Variants in TENM3 observed in about 807,000 individuals in gnomAD.
The protein encoded by TENM3 is teneurin transmembrane protein 3.
TENM3 carries 63 observed loss-of-function variants against 255.1 expected under a neutral mutation model. That is an observed-to-expected ratio of 0.25 (90% CI 0.20 to 0.30). The LOEUF (loss-of-function observed/expected upper bound fraction) is 0.30. Ranked by LOEUF, TENM3 falls within the 10% of genes least tolerant of loss-of-function variation. TENM3 has a pLI of 1.00. For missense variants in TENM3, 2,929 were observed against 3,461.1 expected, an observed-to-expected ratio of 0.85 and a Z score of 3.86; for synonymous variants, 1,306 against 1,322.3, an observed-to-expected ratio of 0.99 and a Z score of 0.27.
upstream of TENM3, chr4:182,144,452 C>CGGCGGGCGGGGAGAGGG (rs1749745077): frequency 6.7e-6 from 1 of 149,274 alleles, no homozygotes; most frequent in Non-Finnish European, 1.5e-5. Flanking sequence ...CTGGAGGGGC[C>CGGCGGGCGGGGAGAGGG]GGCGGGCGGG....
the TENM3 span, among the ~76,000 whole-genome samples, chr4:181,515,549 G>A: frequency 1.3e-5 from 2 of 151,962 alleles, no homozygotes; most frequent in African/African-American, 2.4e-5. Flanking sequence ...CCCAAAAATG[G>A]TGAAAGGGAC....
chr4:182,388,209 T>G (rs532529684), intron 3 of TENM3, among the ~76,000 whole-genome samples: 1 of 152,206 alleles, frequency 6.6e-6, no homozygotes, highest in South Asian at 2.1e-4. Flanking sequence ...CATCGCCACT[T>G]CTCTGGAAAC....
chr4:182,802,578 T>TG lies in TENM3; in HGVS notation c.*2229dup, dbSNP rs1767050008. 5.2e-5 allele frequency: 8 copies of TG among 152,758 alleles called. No individual in the cohort carries two copies. The South Asian group carries it at 1.7e-3, about 32-fold the overall frequency. 9.5% of individuals were successfully genotyped at this position (152,758 alleles called of 1,614,324 possible). Reference sequence around the variant, plus strand: ...GTCTTAACCTCTTCTTGACGTGGACTGGTCTTCACTCGGGCACCGATAAAT... The same window carrying TG: ...GTCTTAACCTCTTCTTGACGTGGACTGGGTCTTCACTCGGGCACCGATAAAT... On this transcript the variant is annotated 3_prime_UTR_variant, in exon 28 of 28. Transcript: ENST00000511685.
At chr4:182,297,290 T>C (rs1200379133) in intron 1 of TENM3, among the ~76,000 whole-genome samples, 1 of 152,200 alleles carries the variant, frequency 6.6e-6, no homozygotes, top group African/African-American at 2.4e-5. Flanking sequence ...GTCACTTGCA[T>C]AGTTGAAAAA....
chr4:182,671,756 C>A (rs745883171), intron 6 of TENM3, among the ~76,000 whole-genome samples: 2 of 152,186 alleles, frequency 1.3e-5, no homozygotes, highest in Non-Finnish European at 2.9e-5. Context: ...TAGTTAGAAG[C>A]CTGTCTCCCT....
chr4:182,100,086 C>G, the TENM3 span, among the ~76,000 whole-genome samples: 1 of 151,976 alleles, frequency 6.6e-6, no homozygotes, highest in East Asian at 1.9e-4. Context: ...CTGGAAAAGT[C>G]TAACACACAA....
intron 3 of TENM3, among the ~76,000 whole-genome samples, chr4:182,347,875 A>T (rs1764930047): frequency 6.6e-6 from 1 of 152,226 alleles, no homozygotes; most frequent in African/African-American, 2.4e-5. Context: ...AGAGAAAATT[A>T]AAATGAAAGA....
chr4:181,543,531 A>G, the TENM3 span, among the ~76,000 whole-genome samples: 2 of 152,056 alleles, frequency 1.3e-5, no homozygotes, highest in Non-Finnish European at 1.5e-5. Context: ...GTGATGACCA[A>G]CTCTCTCAGC....
chr4:181,628,637 T>C, the TENM3 span, among the ~76,000 whole-genome samples: 1 of 152,188 alleles, frequency 6.6e-6, no homozygotes, highest in Non-Finnish European at 1.5e-5. Flanking sequence ...GAAGATCAGA[T>C]GGTTGTAGAT....
chr4:182,232,320 C>T (rs1377674052), intron 1 of TENM3, among the ~76,000 whole-genome samples: 4 of 152,192 alleles, frequency 2.6e-5, no homozygotes, highest in Non-Finnish European at 5.9e-5. Context: ...GGAAGAGGTA[C>T]TGGAGCACTT....
chr4:182,023,774 T>G, the TENM3 span, among the ~76,000 whole-genome samples: 5,970 of 152,324 alleles, frequency 0.039, 175 homozygotes, highest in Middle Eastern at 0.068. Flanking sequence ...AAGATCAATT[T>G]TGCTCATATA....
intron 3 of TENM3, among the ~76,000 whole-genome samples, chr4:182,359,922 C>G (rs1765841104): frequency 6.6e-6 from 1 of 150,674 alleles, no homozygotes; most frequent in African/African-American, 2.4e-5. Context: ...TATGTTGTGT[C>G]TTTGTTCTCG....
chr4:182,190,107 T>A lies in TENM3; in HGVS notation c.-76+45353T>A, dbSNP rs531560960. 1.1e-4 allele frequency: 16 copies of A among 152,364 alleles called. 1 individual carries two copies. Among genetic ancestry groups the A allele is most frequent in the Non-Finnish European group, 2.1e-4 (14 of 68,028 alleles). The allele number at this position is 152,364 out of a possible 1,614,324, so 9.4% of individuals were successfully genotyped here. On this transcript the variant is annotated intron_variant, in intron 1 of 2. Coordinates refer to the TENM3 transcript ENST00000512480. Reference sequence around the variant, plus strand: ...GTCTCATTTTCTATAAACATACTAATGCATGCTTTTAAATTGTTAATAAAT... The same window carrying A: ...GTCTCATTTTCTATAAACATACTAAAGCATGCTTTTAAATTGTTAATAAAT...
intron 1 of TENM3, among the ~76,000 whole-genome samples, chr4:182,170,758 A>G (rs1752052642): frequency 6.6e-6 from 1 of 152,358 alleles, no homozygotes; most frequent in South Asian, 2.1e-4. Flanking sequence ...AGAAATTGCA[A>G]TAATAAAATC....
At chr4:182,350,763 C>A (rs906832102) in intron 3 of TENM3, among the ~76,000 whole-genome samples, 1 of 152,190 alleles carries the variant, frequency 6.6e-6, no homozygotes, top group Non-Finnish European at 1.5e-5. Context: ...CAGCTCACTG[C>A]AACCTCTGCC....
chr4:182,614,605 T>A (rs1440313084), intron 4 of TENM3, among the ~76,000 whole-genome samples: 1 of 152,182 alleles, frequency 6.6e-6, no homozygotes, highest in East Asian at 1.9e-4. Context: ...TATAGCTTTT[T>A]TGTCAAGTAT....
the TENM3 span, among the ~76,000 whole-genome samples, chr4:181,501,544 A>G: frequency 6.6e-6 from 1 of 151,822 alleles, no homozygotes; most frequent in Non-Finnish European, 1.5e-5. Flanking sequence ...CGTCTGGCTA[A>G]TTGTTTTGTA....
At chr4:182,119,415 G>A in the TENM3 span, among the ~76,000 whole-genome samples, 762 of 152,196 alleles carry the variant, frequency 5.0e-3, 4 homozygotes, top group African/African-American at 0.017. Flanking sequence ...GCCACACGGA[G>A]CCTTCAGCAA....
the TENM3 span, among the ~76,000 whole-genome samples, chr4:182,046,443 A>C: frequency 1.3e-5 from 2 of 151,812 alleles, no homozygotes; most frequent in Non-Finnish European, 2.9e-5. Flanking sequence ...TAGGCCAAGC[A>C]TGGTAATCCC....
Sources: allele counts gnomAD v4.1 joint callset (sites outside exome capture counted in the v4.1 genomes callset), GRCh38; gene constraint gnomAD v4.1.1; transcripts MANE v1.5; gene names NCBI Gene and HGNC (gene_info 2026-07-23, HGNC 2026-07-21).